PDZD2: variants seen among roughly 807,000 people sequenced by gnomAD.
The protein encoded by PDZD2 is PDZ domain containing 2, also known as PDZ domain-containing protein 2.
In PDZD2, 90 loss-of-function variants were observed where a neutral mutation model predicts 220.7. The ratio of observed to expected loss-of-function variants is 0.41; its 90% CI spans 0.34 to 0.49. The LOEUF is 0.49. PDZD2 is among the 20% of genes least tolerant of loss of function. The probability of loss-of-function intolerance (pLI) is 0.28; values close to 1 mark genes in which losing one functional copy is unlikely to be tolerated. For synonymous variants in PDZD2, 1,375 were observed against 1,450.5 expected, an observed-to-expected ratio of 0.95 and a Z score of 1.18; for missense variants, 3,174 against 3,608.5, an observed-to-expected ratio of 0.88 and a Z score of 3.08.
At chr5:31,690,836 AT>A (rs998438019) in intron 1 of PDZD2, among the ~76,000 whole-genome samples, 4 of 152,142 alleles carry the variant, frequency 2.6e-5, no homozygotes, top group South Asian at 2.1e-4. Flanking sequence ...ATGCAAACAT[AT>A]TTTTTTGGGG....
In PDZD2 at chr5:31,964,034, A is replaced by G. The variant is rs143760341; in HGVS notation, c.477-19121A>G. The stretch of plus-strand genomic sequence containing the variant: ...TCCATTTCTGACTCTCTGCCTGTTC[A>G]TGTGAACTTGATTTTTCCAGAGATA... On this transcript the variant is annotated intron_variant, in intron 2 of 24. Transcript: ENST00000438447. Among the ~76,000 whole-genome samples the G allele has an allele frequency of 5.5e-3, 843 of 152,284 alleles. 12 individuals are homozygous for G. Among genetic ancestry groups the G allele is most frequent in the African/African-American group, 0.019 (793 of 41,558 alleles).
intron 1 of PDZD2, among the ~76,000 whole-genome samples, chr5:31,731,285 G>A (rs1749522351): frequency 2.0e-5 from 3 of 152,154 alleles, no homozygotes; most frequent in South Asian, 2.1e-4. Context: ...GGTACCCAGC[G>A]CAGCACAGAG....
chr5:31,901,172 C>G (rs1232323148), intron 2 of PDZD2, among the ~76,000 whole-genome samples: 2 of 151,960 alleles, frequency 1.3e-5, no homozygotes, highest in East Asian at 1.9e-4. Flanking sequence ...AATCCCAGCA[C>G]TTTGGGAGGC....
At chr5:31,854,127 C>T (rs1758223796) in intron 2 of PDZD2, among the ~76,000 whole-genome samples, 1 of 152,178 alleles carries the variant, frequency 6.6e-6, no homozygotes, top group African/African-American at 2.4e-5. Context: ...GCTGCCAGCC[C>T]CCCTCCCCTG....
In PDZD2 at chr5:32,074,608, G is replaced by A. The variant is rs902566119; in HGVS notation, c.3502G>A (p.Val1168Ile). ...RVQATSVKVTVAGFQPGGAVE... is the reference protein window; with the variant it reads ...RVQATSVKVTIAGFQPGGAVE... ...CCAGGCCACTTCTGTCAAAGTGACT[G>A]TCGCTGGCTTTCAGCCAGGTGGAGC... is the stretch of plus-strand genomic sequence containing the variant. The change falls in exon 18 of 25, where the codon GTC (valine) becomes ATC (isoleucine). Residue 1168 changes from valine to isoleucine, a missense_variant. By Grantham distance (29) the Val-to-Ile change is conservative. Coordinates refer to ENST00000438447, the MANE Select transcript of PDZD2 (RefSeq NM_178140.4). 6.2e-7 allele frequency: 1 copy of A among 1,611,320 alleles called. No individual in the cohort carries two copies.
chr5:31,672,654 C>G (rs1031304853), intron 1 of PDZD2, among the ~76,000 whole-genome samples: 2 of 152,128 alleles, frequency 1.3e-5, no homozygotes, highest in Non-Finnish European at 2.9e-5. Context: ...AGTATTTTTT[C>G]TTTACTCAGA....
intron 1 of PDZD2, among the ~76,000 whole-genome samples, chr5:31,657,884 T>C (rs531018519): frequency 6.6e-6 from 1 of 152,268 alleles, no homozygotes; most frequent in South Asian, 2.1e-4. Flanking sequence ...GGAAAGATAA[T>C]AGCTGCCTTC....
intron 1 of PDZD2, among the ~76,000 whole-genome samples, chr5:31,672,509 C>T (rs1164728758): frequency 1.3e-5 from 2 of 152,214 alleles, no homozygotes; most frequent in African/African-American, 4.8e-5. Flanking sequence ...CCACCTCCAG[C>T]CCAGGGCCTC....
At chr5:31,698,598 C>CAAA (rs755216242) in intron 1 of PDZD2, among the ~76,000 whole-genome samples, 7 of 80,898 alleles carry the variant, frequency 8.7e-5, no homozygotes, top group African/African-American at 3.0e-4. Context: ...GACTCTGTCT[C>CAAA]AAAAAAAAAA....
chr5:31,972,884 T>A (rs1030490765), intron 2 of PDZD2, among the ~76,000 whole-genome samples: 1 of 152,216 alleles, frequency 6.6e-6, no homozygotes, highest in Non-Finnish European at 1.5e-5. Context: ...CTAATTTGAT[T>A]GTGTATAGAC....
intron 1 of PDZD2, among the ~76,000 whole-genome samples, chr5:31,665,651 C>G (rs79477328): frequency 6.9e-6 from 1 of 144,046 alleles, no homozygotes; most frequent in African/African-American, 2.6e-5. Flanking sequence ...CCCTCCCCCC[C>G]CTCCCTTTCC....
rs1007122829 is a variant in PDZD2, at chr5:32,109,258, T to C, written c.*1123T>C. 2 of 152,082 alleles carry C rather than the reference T, an allele frequency of 1.3e-5. No homozygotes were observed. The highest frequency in any genetic ancestry group is 4.8e-5 in the African/African-American group (2 of 41,308). The allele number at this position is 152,082 out of a possible 1,614,324, so 9.4% of individuals were successfully genotyped here. A position where few individuals can be genotyped will look rare whatever the true frequency, so the allele number is the denominator to read the frequency against. ...TTTAAGAAATGTAACATTCTAAGTA[T>C]TGGATCTCTTTTCTTGACCTAGTAT... On this transcript the variant is annotated 3_prime_UTR_variant, in exon 25 of 25. Transcript: ENST00000438447.
chr5:32,017,318 A>C (rs573762303), intron 6 of PDZD2, among the ~76,000 whole-genome samples: 1 of 152,246 alleles, frequency 6.6e-6, no homozygotes, highest in Non-Finnish European at 1.5e-5. Flanking sequence ...TCACGCCTGT[A>C]ATCCCATCTA....
chr5:31,878,680 C>A (rs1739566048), intron 2 of PDZD2, among the ~76,000 whole-genome samples: 1 of 150,174 alleles, frequency 6.7e-6, no homozygotes. Flanking sequence ...CCTGCCTCAG[C>A]CTCCTGAGTA....
chr5:31,643,582 C>G (rs192695054), intron 1 of PDZD2, among the ~76,000 whole-genome samples: 3 of 152,274 alleles, frequency 2.0e-5, no homozygotes, highest in Admixed American at 6.5e-5. Flanking sequence ...TCACAAAACA[C>G]AGTTGCTTGA....
At chr5:31,725,395 C>T (rs1346891949) in intron 1 of PDZD2, 1 of 878,478 alleles carries the variant, frequency 1.1e-6, no homozygotes, top group Non-Finnish European at 1.5e-6. Context: ...TTAATTATAA[C>T]CATTGCCTGA....
chr5:31,780,606 A>G (rs991482279), intron 1 of PDZD2, among the ~76,000 whole-genome samples: 1 of 152,172 alleles, frequency 6.6e-6, no homozygotes, highest in Non-Finnish European at 1.5e-5. Flanking sequence ...TGCGAATCTC[A>G]GAAGTTTAAA....
chr5:32,103,121 A>G (rs1240604414), intron 24 of PDZD2, among the ~76,000 whole-genome samples: 1 of 152,260 alleles, frequency 6.6e-6, no homozygotes, highest in Non-Finnish European at 1.5e-5. Flanking sequence ...AGGAAAAAAC[A>G]GAATGAGAGG....
chr5:31,869,136 T>C (rs1738505760), intron 2 of PDZD2, among the ~76,000 whole-genome samples: 1 of 152,226 alleles, frequency 6.6e-6, no homozygotes, highest in African/African-American at 2.4e-5. Flanking sequence ...ATCTTTCATG[T>C]TGTAACTATC....
Sources: gnomAD v4.1 joint callset for allele counts (sites outside exome capture counted in the v4.1 genomes callset) on GRCh38, gnomAD v4.1.1 for gene constraint, MANE v1.5 for transcripts, NCBI Gene and HGNC (gene_info 2026-07-23, HGNC 2026-07-21) for gene names.